Variants in EEF2K observed in about 807,000 individuals in gnomAD.
EEF2K encodes eukaryotic elongation factor 2 kinase, also known as alternative protein EEF2K.
EEF2K carries 70 observed loss-of-function variants against 93.8 expected under a neutral mutation model. The observed-to-expected ratio is 0.75, with a 90% CI of 0.62 to 0.91. The LOEUF (loss-of-function observed/expected upper bound fraction) is 0.91. Ranked by LOEUF, EEF2K falls within the 40% of genes least tolerant of loss-of-function variation. The pLI is 0.00. For synonymous variants in EEF2K, 376 were observed against 380.8 expected (o/e 0.99, Z 0.15); for missense variants, 935 against 972.9 (o/e 0.96, Z 0.52).
chr16:22,232,963 C>A (rs2047130669), intron 2 of EEF2K, among the ~76,000 whole-genome samples: 1 of 152,064 alleles, frequency 6.6e-6, no homozygotes, highest in South Asian at 2.1e-4. Flanking sequence ...AGGAACACAC[C>A]CAGCAGGTAT....
chr16:22,277,125 T>A (rs187087491), intron 16 of EEF2K, among the ~76,000 whole-genome samples: 250 of 152,286 alleles, frequency 1.6e-3, no homozygotes, highest in Middle Eastern at 3.4e-3. Context: ...GTCCATTTTT[T>A]AAATTTAACT....
chr16:22,266,111 A>G (rs2047514819), intron 13 of EEF2K, among the ~76,000 whole-genome samples: 2 of 151,962 alleles, frequency 1.3e-5, no homozygotes, highest in African/African-American at 4.8e-5. Flanking sequence ...CGTCCCAGCT[A>G]CTCGGGAAGC....
chr16:22,259,981 G>T (rs2047446387), intron 10 of EEF2K, among the ~76,000 whole-genome samples: 1 of 152,112 alleles, frequency 6.6e-6, no homozygotes, highest in African/African-American at 2.4e-5. Flanking sequence ...TTGAACTCCT[G>T]ACCTCAGGTG....
At chr16:22,233,693 G>A (rs780765794) in intron 2 of EEF2K, among the ~76,000 whole-genome samples, 44 of 152,066 alleles carry the variant, frequency 2.9e-4, no homozygotes, top group Non-Finnish European at 3.2e-4. Context: ...CCTGCCCCCT[G>A]GCAAAAAAAT....
chr16:22,244,321 T>A (rs981371308), intron 2 of EEF2K, among the ~76,000 whole-genome samples: 3 of 149,540 alleles, frequency 2.0e-5, no homozygotes, highest in African/African-American at 5.0e-5. Context: ...ATATCCTATA[T>A]AATATATATA....
In EEF2K at chr16:22,266,564, C is replaced by T. The variant is rs189148040; in HGVS notation, c.1575+40C>T. 16 of 1,610,000 alleles carry T rather than the reference C, an allele frequency of 9.9e-6. No homozygotes were observed. In the East Asian group the frequency reaches 3.3e-4, roughly 34 times the overall value. ...CATTTTGGAGCCCTGTCTGCACTAA[C>T]CTGGAGCCCCCCAGCTCCAGCCTCT... On this transcript the variant is annotated intron_variant, in intron 14 of 17. Coordinates refer to ENST00000263026, the MANE Select transcript of EEF2K (RefSeq NM_013302.5).
intron 15 of EEF2K, among the ~76,000 whole-genome samples, chr16:22,267,518 C>G (rs1314181520): frequency 6.6e-6 from 1 of 151,854 alleles, no homozygotes; most frequent in Non-Finnish European, 1.5e-5. Context: ...TCTCTTGAAC[C>G]TGGGAGACAG....
chr16:22,249,532 TAAGCACCCC>T (rs1391939858), intron 4 of EEF2K, among the ~76,000 whole-genome samples: 2 of 152,106 alleles, frequency 1.3e-5, no homozygotes. Context: ...ACCCACAGGG[TAAGCACCCC>T]TCTGAATTCT....
chr16:22,244,801 G>A, intron 3 of EEF2K, 71 bp downstream of exon 3: 1 of 1,498,716 alleles, frequency 6.7e-7, no homozygotes, highest in Non-Finnish European at 9.2e-7. Context: ...CAATCAGTGA[G>A]GCCTAAGTAC....
chr16:22,233,803 G>A (rs2047140243), intron 2 of EEF2K, among the ~76,000 whole-genome samples: 1 of 152,200 alleles, frequency 6.6e-6, no homozygotes, highest in South Asian at 2.1e-4. Context: ...TGCCCAGGCA[G>A]AAGTGCAGTG....
chr16:22,266,440 G>A lies in EEF2K; in HGVS notation c.1491G>A (p.Pro497=), dbSNP rs756757723. 19 of 1,614,026 alleles carry A rather than the reference G, an allele frequency of 1.2e-5. No individual in the cohort carries two copies. The Admixed American group carries it at 1.3e-4, about 11-fold the overall frequency. The change falls in exon 14 of 18, where the codon CCG becomes CCA. Residue 497 remains proline (P), a synonymous_variant. Coordinates refer to ENST00000263026, the MANE Select transcript of EEF2K (RefSeq NM_013302.5). ...TCAACTCCTCCCGCCTCCACCTGCC[G>A]AGGGCTTCGGCCGTGGCCCTGGAAG... ...NLLNSSRLHL[P]RASAVALEVQ...
chr16:22,240,047 G>A (rs1352414098), intron 2 of EEF2K, among the ~76,000 whole-genome samples: 1 of 148,384 alleles, frequency 6.7e-6, no homozygotes, highest in African/African-American at 2.5e-5. Flanking sequence ...AGGTTGCAGT[G>A]AGCCGAGATC....
chr16:22,248,561 C>T (rs1598185025), intron 3 of EEF2K, among the ~76,000 whole-genome samples, 194 bp from the exon 4 acceptor site: 1 of 152,062 alleles, frequency 6.6e-6, no homozygotes, highest in South Asian at 2.1e-4. Flanking sequence ...GGATTGAGAC[C>T]AGTGTGTTGG....
At chr16:22,256,634 A>G in intron 6 of EEF2K, 114 bp from the exon 7 acceptor site, 1 of 1,301,900 alleles carries the variant, frequency 7.7e-7, no homozygotes, top group Non-Finnish European at 1.0e-6. Context: ...CTAGTAAGTC[A>G]TGGAGCCAGG....
chr16:22,260,400 G>A, intron 10 of EEF2K, 62 bp from the exon 11 acceptor site: 1 of 1,598,306 alleles, frequency 6.3e-7, no homozygotes, highest in Non-Finnish European at 8.6e-7. Context: ...TAGGCCGTGG[G>A]TTGGTCTTAT....
intron 1 of EEF2K, among the ~76,000 whole-genome samples, chr16:22,221,697 A>T (rs1321130465): frequency 6.6e-6 from 1 of 152,228 alleles, no homozygotes; most frequent in Admixed American, 6.5e-5. Context: ...AAAAATTTTT[A>T]AACTAATTTA....
rs1471796235 is a variant in EEF2K, at chr16:22,284,936, T to G, written c.*940T>G. On this transcript the variant is annotated 3_prime_UTR_variant, in exon 18 of 18. Coordinates refer to ENST00000263026, the MANE Select transcript of EEF2K (RefSeq NM_013302.5). ...CCTGCATGTTGGCTGTTTTTTAAAC[T>G]TCTAGTTCAATTTCCTTCCATAATG... The G allele has an allele frequency of 6.6e-6, 1 of 152,606 alleles. No homozygotes were observed. Among genetic ancestry groups the G allele is most frequent in the Non-Finnish European group, 1.5e-5 (1 of 68,036 alleles). The allele number at this position is 152,606 out of a possible 1,614,324, so 9.5% of individuals were successfully genotyped here. A position where few individuals can be genotyped will look rare whatever the true frequency, so the allele number is the denominator to read the frequency against.
At chr16:22,220,683 G>C (rs928226496) in intron 1 of EEF2K, among the ~76,000 whole-genome samples, 1 of 152,182 alleles carries the variant, frequency 6.6e-6, no homozygotes, top group African/African-American at 2.4e-5. Context: ...GAGCTCAAGC[G>C]ATCTGCCCAC....
chr16:22,207,567 A>G (rs1297487696), intron 1 of EEF2K, among the ~76,000 whole-genome samples: 1 of 151,768 alleles, frequency 6.6e-6, no homozygotes, highest in Non-Finnish European at 1.5e-5. Context: ...GGTGCTTGGA[A>G]CAGTGCCTGG....
Sources: allele counts gnomAD v4.1 joint callset (sites outside exome capture counted in the v4.1 genomes callset), GRCh38; gene constraint gnomAD v4.1.1; transcripts MANE v1.5; gene names NCBI Gene and HGNC (gene_info 2026-07-23, HGNC 2026-07-21).